Variants in HABP2 observed in about 807,000 individuals in gnomAD.
HABP2 encodes the protein factor VII-activating protease.
Under a neutral mutation model 66.5 loss-of-function variants are expected in HABP2, and 65 were observed. That is an observed-to-expected ratio of 0.98 (90% CI 0.80 to 1.20). The LOEUF (loss-of-function observed/expected upper bound fraction) is 1.20. Among genes scored for constraint, HABP2 ranks in the 50% most tolerant of loss-of-function variants. The pLI is 0.00. For missense variants in HABP2, 786 were observed against 691.0 expected (o/e 1.14, Z -1.54); for synonymous variants, 263 against 253.9 (o/e 1.04, Z -0.34).
At chr10:113,587,338 C>CGAA (rs1554847968) in intron 12 of HABP2, among the ~76,000 whole-genome samples, 9 of 150,808 alleles carry the variant, frequency 6.0e-5, no homozygotes, top group Non-Finnish European at 1.2e-4. Context: ...AACAAACAAA[C>CGAA]AAAAAAAAAC....
intron 12 of HABP2, among the ~76,000 whole-genome samples, chr10:113,587,306 G>T (rs1394879904): frequency 4.6e-5 from 7 of 151,182 alleles, no homozygotes; most frequent in East Asian, 1.9e-4. Context: ...AACAAAGCGA[G>T]ACCCTGTCTC....
intron 2 of HABP2, among the ~76,000 whole-genome samples, chr10:113,568,229 C>A (rs535518350): frequency 6.6e-6 from 1 of 152,196 alleles, no homozygotes; most frequent in South Asian, 2.1e-4. Context: ...AGCTCTGAGC[C>A]GCAGTGGAGA....
Position 113,588,713 on chromosome 10 carries a change from A to C in HABP2, c.*344A>C, listed in dbSNP as rs993868554. The C allele has an allele frequency of 3.6e-6, 2 of 548,252 alleles. No homozygotes were observed. The highest frequency in any genetic ancestry group is 6.8e-5 in the Admixed American group (2 of 29,366). 34.0% of individuals were successfully genotyped at this position (548,252 alleles called of 1,614,324 possible). On this transcript the variant is annotated 3_prime_UTR_variant, in exon 13 of 13. Transcript: ENST00000351270. ...AAATGCAGACTCCAGAATCCCCAGC[A>C]TCAGCGGGAACCACCATCACATCTT...
chr10:113,580,588 A>G lies in HABP2; in HGVS notation c.741-7A>G, dbSNP rs779762776. The G allele has an allele frequency of 2.0e-6, 3 of 1,484,818 alleles. No individual in the cohort carries two copies. Among genetic ancestry groups the G allele is most frequent in the African/African-American group, 1.4e-5 (1 of 72,518 alleles). 92.0% of individuals were successfully genotyped at this position (1,484,818 alleles called of 1,614,324 possible). ...TTGACTCTGAGTTGTTTTGTTTTGTATTTTAGAAACCCAGATGCGGACGAA... is the reference window on the plus strand; with the variant it reads ...TTGACTCTGAGTTGTTTTGTTTTGTGTTTTAGAAACCCAGATGCGGACGAA... On this transcript the variant is annotated splice_region_variant and splice_polypyrimidine_tract_variant and intron_variant, in intron 7 of 12. Coordinates refer to ENST00000351270, the MANE Select transcript of HABP2 (RefSeq NM_004132.5).
intron 1 of HABP2, among the ~76,000 whole-genome samples, chr10:113,555,948 G>A (rs900183630): frequency 1.3e-5 from 2 of 152,150 alleles, no homozygotes; most frequent in African/African-American, 4.8e-5. Flanking sequence ...CAGCCATAAT[G>A]GAATTTGGCC....
In HABP2 at chr10:113,588,837, A is replaced by AGAG; in HGVS notation, c.*469_*471dup. 1.4e-6 allele frequency: 1 copy of AGAG among 692,892 alleles called. No homozygotes were observed. The highest frequency in any genetic ancestry group is 2.5e-5 in the East Asian group (1 of 40,162). The allele number at this position is 692,892 out of a possible 1,614,324, so 42.9% of individuals were successfully genotyped here. A position where few individuals can be genotyped will look rare whatever the true frequency, so the allele number is the denominator to read the frequency against. ...AATACAACATTCTCCATCTGCTTTC[A>AGAG]GAGTTATTATTTTAATAAAGGAAGA... On this transcript the variant is annotated 3_prime_UTR_variant, in exon 13 of 13. Transcript: ENST00000351270.
chr10:113,559,241 C>A (rs1374989711), intron 1 of HABP2, among the ~76,000 whole-genome samples: 3 of 152,208 alleles, frequency 2.0e-5, no homozygotes, highest in Non-Finnish European at 4.4e-5. Flanking sequence ...GCCTCACTCC[C>A]TAACCTTCAA....
chr10:113,578,442 T>C (rs1432026812), intron 6 of HABP2, among the ~76,000 whole-genome samples, 185 bp from the exon 7 acceptor site: 1 of 152,194 alleles, frequency 6.6e-6, no homozygotes, highest in Admixed American at 6.5e-5. Context: ...CCACTATATT[T>C]CATGTTTTAA....
At chr10:113,580,379 T>C (rs1845501230) in intron 7 of HABP2, among the ~76,000 whole-genome samples, 1 of 152,198 alleles carries the variant, frequency 6.6e-6, no homozygotes, top group South Asian at 2.1e-4. Flanking sequence ...ACCGCTTTCT[T>C]GTCCTTGAGA....
Position 113,578,872 on chromosome 10 carries a change from C to T in HABP2, c.740+74C>T. 4 of 1,006,498 alleles carry T rather than the reference C, an allele frequency of 4.0e-6. No individual in the cohort carries two copies. In the South Asian group the frequency reaches 5.6e-5, roughly 14 times the overall value. 62.3% of individuals were successfully genotyped at this position (1,006,498 alleles called of 1,614,324 possible). On this transcript the variant is annotated intron_variant, in intron 7 of 12. Coordinates refer to ENST00000351270, the MANE Select transcript of HABP2 (RefSeq NM_004132.5). Reference sequence around the variant, plus strand: ...AAACAGATCATTGAAATTCATCAGCCTCCTTTCTAGGAAGATTTTCTTACT... The same window carrying T: ...AAACAGATCATTGAAATTCATCAGCTTCCTTTCTAGGAAGATTTTCTTACT...
chr10:113,564,850 C>A (rs999177904), intron 1 of HABP2, among the ~76,000 whole-genome samples: 1 of 150,426 alleles, frequency 6.6e-6, no homozygotes, highest in Non-Finnish European at 1.5e-5. Context: ...GCATCTCTCT[C>A]TTTTGTTTTT....
intron 5 of HABP2, among the ~76,000 whole-genome samples, chr10:113,577,762 CTT>C (rs750699077): frequency 1.1e-4 from 17 of 152,222 alleles, no homozygotes; most frequent in South Asian, 2.1e-4. Flanking sequence ...GTCCATGCTT[CTT>C]TGTTTCCTTA....
At chr10:113,575,329 T>G (rs1352501282) in intron 3 of HABP2, among the ~76,000 whole-genome samples, 1 of 152,126 alleles carries the variant, frequency 6.6e-6, no homozygotes, top group Non-Finnish European at 1.5e-5. Flanking sequence ...TATGACAAAA[T>G]CTAACTGAAC....
chr10:113,558,485 G>A (rs937663626), intron 1 of HABP2, among the ~76,000 whole-genome samples: 3 of 152,244 alleles, frequency 2.0e-5, no homozygotes, highest in Admixed American at 6.5e-5. Context: ...AGGAGGCAGA[G>A]GATAGAGACA....
chr10:113,568,131 GC>G (rs776821984), intron 2 of HABP2, among the ~76,000 whole-genome samples: 10 of 152,196 alleles, frequency 6.6e-5, no homozygotes, highest in Non-Finnish European at 1.5e-4. Flanking sequence ...TCGGCCTTGT[GC>G]CCACAGCGTG....
intron 10 of HABP2, 104 bp downstream of exon 10, chr10:113,583,462 T>G: frequency 2.0e-6 from 2 of 993,816 alleles, no homozygotes; most frequent in South Asian, 1.4e-5. Flanking sequence ...TGATTGTTTT[T>G]GGTCCCTGTG....
chr10:113,560,568 A>G (rs575597009), intron 1 of HABP2, among the ~76,000 whole-genome samples: 1 of 152,380 alleles, frequency 6.6e-6, no homozygotes, highest in Non-Finnish European at 1.5e-5. Flanking sequence ...AAATCTGTAC[A>G]CCAATGTTCA....
chr10:113,579,684 AATGAGTCAG>A (rs1258394006), intron 7 of HABP2, among the ~76,000 whole-genome samples: 2 of 151,846 alleles, frequency 1.3e-5, no homozygotes, highest in African/African-American at 2.4e-5. Context: ...GGCCAAGGCC[AATGAGTCAG>A]ATGAGTTGCA....
At chr10:113,556,732 A>AAAAG (rs1182023802) in intron 1 of HABP2, among the ~76,000 whole-genome samples, 6 of 151,538 alleles carry the variant, frequency 4.0e-5, no homozygotes, top group Non-Finnish European at 5.9e-5. Flanking sequence ...TTTAAAAAAA[A>AAAAG]AAAGAAAGAA....
Sources: gnomAD v4.1 joint callset for allele counts (sites outside exome capture counted in the v4.1 genomes callset) on GRCh38, gnomAD v4.1.1 for gene constraint, MANE v1.5 for transcripts, NCBI Gene and HGNC (gene_info 2026-07-23, HGNC 2026-07-21) for gene names.